Variants in NREP observed in about 807,000 individuals in gnomAD.
NREP encodes neuronal regeneration related protein, also known as neuronal regeneration-related protein.
Under a neutral mutation model 8.6 loss-of-function variants are expected in NREP, and 5 were observed. The observed-to-expected ratio is 0.58, with a 90% CI of 0.30 to 1.22. The LOEUF is 1.22. NREP is among the 50% of genes most tolerant of loss of function. The probability of loss-of-function intolerance (pLI) is 0.07; values close to 1 mark genes in which losing one functional copy is unlikely to be tolerated. For missense variants in NREP, 86 were observed against 82.5 expected, an observed-to-expected ratio of 1.04 and a Z score of -0.17; for synonymous variants, 27 against 28.0, an observed-to-expected ratio of 0.96 and a Z score of 0.11.
At chr5:111,891,422 C>T (rs561830167) in intron 2 of NREP, among the ~76,000 whole-genome samples, 5 of 152,308 alleles carry the variant, frequency 3.3e-5, no homozygotes, top group Non-Finnish European at 7.3e-5. Flanking sequence ...TGCCTGTCTT[C>T]TTCTGAGTCT....
chr5:111,870,422 T>G (rs2112495187), intron 2 of NREP, among the ~76,000 whole-genome samples: 1 of 152,262 alleles, frequency 6.6e-6, no homozygotes. Context: ...AGAGCAAGAT[T>G]CTGACTCAAA....
chr5:111,889,198 G>T (rs1033199830), intron 2 of NREP, among the ~76,000 whole-genome samples: 1 of 152,196 alleles, frequency 6.6e-6, no homozygotes, highest in Non-Finnish European at 1.5e-5. Flanking sequence ...TTCTGGGGAG[G>T]CCCCAGGAAG....
At chr5:111,883,821 G>A (rs1187117165) in intron 2 of NREP, among the ~76,000 whole-genome samples, 11 of 152,068 alleles carry the variant, frequency 7.2e-5, no homozygotes, top group Admixed American at 2.6e-4. Flanking sequence ...CACATTCAAA[G>A]CAGTGTGTAG....
intron 2 of NREP, among the ~76,000 whole-genome samples, chr5:111,789,223 G>GGAA (rs1222551436): frequency 6.6e-6 from 1 of 151,948 alleles, no homozygotes; most frequent in East Asian, 1.9e-4. Flanking sequence ...GTTTCTCTAG[G>GGAA]GAAGCATCAT....
intron 2 of NREP, among the ~76,000 whole-genome samples, chr5:111,766,866 G>GTCA (rs1751096881): frequency 6.6e-6 from 1 of 152,204 alleles, no homozygotes; most frequent in Admixed American, 6.5e-5. Flanking sequence ...TTTTTTCTTG[G>GTCA]TCATAAATCA....
chr5:111,769,142 C>T (rs1365996893), intron 2 of NREP, among the ~76,000 whole-genome samples: 2 of 152,150 alleles, frequency 1.3e-5, no homozygotes, highest in Non-Finnish European at 2.9e-5. Context: ...ATACATCAAG[C>T]ATCAGTTTAA....
intron 2 of NREP, among the ~76,000 whole-genome samples, chr5:111,741,761 T>G (rs143169938): frequency 2.0e-5 from 3 of 151,842 alleles, no homozygotes; most frequent in Non-Finnish European, 4.4e-5. Flanking sequence ...GGGGCTTAGG[T>G]TGGCAAGCAT....
intron 2 of NREP, among the ~76,000 whole-genome samples, chr5:111,973,976 C>A (rs1189677052): frequency 1.3e-5 from 2 of 152,176 alleles, no homozygotes; most frequent in Non-Finnish European, 2.9e-5. Flanking sequence ...AGTACACATA[C>A]ACACTCTATT....
intron 2 of NREP, among the ~76,000 whole-genome samples, chr5:111,898,979 A>G (rs1238509957): frequency 1.3e-5 from 2 of 152,188 alleles, no homozygotes; most frequent in Non-Finnish European, 2.9e-5. Context: ...AGCCAAGAAC[A>G]CTATACCCAG....
chr5:111,947,196 C>A (rs1469394772), intron 2 of NREP, among the ~76,000 whole-genome samples: 1 of 152,138 alleles, frequency 6.6e-6, no homozygotes, highest in Admixed American at 6.6e-5. Context: ...GTTGTCTGTA[C>A]ACAGTAGCTA....
chr5:111,837,689 A>G (rs1441929842), intron 2 of NREP, among the ~76,000 whole-genome samples: 2 of 151,998 alleles, frequency 1.3e-5, no homozygotes, highest in African/African-American at 4.8e-5. Context: ...GACATTAGCT[A>G]TTTTTCAGTG....
chr5:111,784,153 T>G (rs1235864902), intron 2 of NREP, among the ~76,000 whole-genome samples: 1 of 152,148 alleles, frequency 6.6e-6, no homozygotes, highest in Non-Finnish European at 1.5e-5. Context: ...ACTTGGGGCT[T>G]TTGATGTTAT....
At chr5:111,861,786 G>A (rs17133822) in intron 2 of NREP, among the ~76,000 whole-genome samples, 7,006 of 152,106 alleles carry the variant, frequency 0.046, 561 homozygotes, top group African/African-American at 0.16. Context: ...TCCTAATCAC[G>A]TTCCCCAGTA....
intron 2 of NREP, among the ~76,000 whole-genome samples, chr5:111,902,916 C>T (rs1031399447): frequency 6.6e-5 from 10 of 152,064 alleles, no homozygotes; most frequent in South Asian, 2.1e-4. Context: ...AATGTAAAAA[C>T]GACTTCTTTG....
At chr5:111,937,716 G>C (rs1376466891) in intron 2 of NREP, among the ~76,000 whole-genome samples, 3 of 151,930 alleles carry the variant, frequency 2.0e-5, no homozygotes, top group East Asian at 3.9e-4. Flanking sequence ...TCCTTTAAAG[G>C]GTACTTTTCC....
At chr5:111,757,289 G>A (rs1750784432), upstream of NREP, 2 of 580,440 alleles carry the variant, frequency 3.4e-6, no homozygotes, top group East Asian at 1.5e-4. Flanking sequence ...GGAAGAGGAG[G>A]GAGGAGGGGG....
chr5:111,736,268 A>C (rs1401364986), intron 2 of NREP, among the ~76,000 whole-genome samples: 1 of 152,224 alleles, frequency 6.6e-6, no homozygotes, highest in Non-Finnish European at 1.5e-5. Flanking sequence ...ACTCAGCATA[A>C]GAATTGTCAA....
upstream of NREP, chr5:111,757,505 A>G (rs1482223623): frequency 1.0e-5 from 10 of 984,826 alleles, no homozygotes; most frequent in Non-Finnish European, 1.2e-5. Context: ...GCTGGCGCGG[A>G]GCCAGCGCCC....
intron 2 of NREP, among the ~76,000 whole-genome samples, chr5:111,767,337 G>C (rs1751109202): frequency 6.6e-6 from 1 of 152,096 alleles, no homozygotes; most frequent in Non-Finnish European, 1.5e-5. Flanking sequence ...TCTATGCATA[G>C]GTATAGTTCA....
Sources: allele counts gnomAD v4.1 joint callset (sites outside exome capture counted in the v4.1 genomes callset), GRCh38; gene constraint gnomAD v4.1.1; transcripts MANE v1.5; gene names NCBI Gene and HGNC (gene_info 2026-07-23, HGNC 2026-07-21).